Variants in TGIF1 observed in about 807,000 individuals in gnomAD.
TGIF1 encodes homeobox protein TGIF1.
Under a neutral mutation model 19.3 loss-of-function variants are expected in TGIF1, and 4 were observed. That is an observed-to-expected ratio of 0.21 (90% CI 0.10 to 0.47). The LOEUF (loss-of-function observed/expected upper bound fraction) is 0.47. Among genes scored for constraint, TGIF1 ranks in the 20% least tolerant of loss-of-function variants. TGIF1 has a pLI of 0.98. For synonymous variants in TGIF1, 122 were observed against 129.3 expected (o/e 0.94, Z 0.38); for missense variants, 275 against 341.4 (o/e 0.81, Z 1.53).
At chr18:3,423,968 C>T (rs547162362) in intron 2 of TGIF1, among the ~76,000 whole-genome samples, 1 of 152,290 alleles carries the variant, frequency 6.6e-6, no homozygotes, top group South Asian at 2.1e-4. Context: ...CTAAAGAGGG[C>T]AGCCACGATG....
intron 2 of TGIF1, among the ~76,000 whole-genome samples, chr18:3,433,769 T>C (rs916496710): frequency 6.6e-6 from 1 of 152,150 alleles, no homozygotes. Flanking sequence ...AGAATTTAAG[T>C]TTTGCCAGAT....
At chr18:3,412,100 C>T (rs1388446080) in exon 1 of TGIF1, 5 of 155,234 alleles carry the variant, frequency 3.2e-5, no homozygotes, top group African/African-American at 1.2e-4. Context: ...CGGAAGAGCC[C>T]AGCCTTCGCC....
chr18:3,448,374 G>A, upstream of TGIF1: 2 of 1,007,208 alleles, frequency 2.0e-6, no homozygotes, highest in Admixed American at 5.3e-5. Flanking sequence ...CTAACGGGCG[G>A]CGGGGGCGCT....
intron 2 of TGIF1, among the ~76,000 whole-genome samples, chr18:3,434,249 G>T (rs182990152): frequency 4.8e-4 from 73 of 152,176 alleles, no homozygotes; most frequent in Non-Finnish European, 7.1e-4. Flanking sequence ...AATTAGCTGG[G>T]CCTTGGGCCG....
chr18:3,452,199 CTCCTGGGG>C (rs1836914655), intron 1 of TGIF1: 6 of 1,606,198 alleles, frequency 3.7e-6, no homozygotes, highest in Non-Finnish European at 5.1e-6. Context: ...CCCCTCTGCG[CTCCTGGGG>C]TCCTCCTGCG....
chr18:3,453,736 A>AGGGCGGT (rs2143373730), intron 1 of TGIF1: 1 of 700,898 alleles, frequency 1.4e-6, no homozygotes, highest in East Asian at 1.3e-4. Context: ...GTCGCTGCTT[A>AGGGCGGT]GGGCGGTGGG....
chr18:3,442,450 TATA>T (rs2082687527), intron 2 of TGIF1, among the ~76,000 whole-genome samples: 1 of 152,166 alleles, frequency 6.6e-6, no homozygotes, highest in Non-Finnish European at 1.5e-5. Flanking sequence ...TTCTTGCATT[TATA>T]ATATTAGTTC....
chr18:3,443,514 C>T (rs759554094), intron 2 of TGIF1, among the ~76,000 whole-genome samples: 1 of 151,912 alleles, frequency 6.6e-6, no homozygotes, highest in East Asian at 1.9e-4. Context: ...TCTGCAGGCT[C>T]TAACTCTGTG....
At chr18:3,424,831 T>A (rs1179601135) in intron 2 of TGIF1, among the ~76,000 whole-genome samples, 3 of 152,212 alleles carry the variant, frequency 2.0e-5, no homozygotes. Flanking sequence ...GAGGGTGATA[T>A]GCCTGGAGCG....
At chr18:3,427,973 G>T (rs909343644) in intron 2 of TGIF1, among the ~76,000 whole-genome samples, 4 of 152,202 alleles carry the variant, frequency 2.6e-5, no homozygotes, top group African/African-American at 4.8e-5. Flanking sequence ...AAACGTGGTG[G>T]CCACACCCCT....
At chr18:3,428,912 G>A (rs1273547115) in intron 2 of TGIF1, among the ~76,000 whole-genome samples, 1 of 152,082 alleles carries the variant, frequency 6.6e-6, no homozygotes, top group African/African-American at 2.4e-5. Flanking sequence ...AATAAGCCGA[G>A]CATGGCGGCG....
At chr18:3,426,321 A>G (rs8084210) in intron 2 of TGIF1, among the ~76,000 whole-genome samples, 32,917 of 151,606 alleles carry the variant, frequency 0.22, 3,792 homozygotes, top group African/African-American at 0.28. Flanking sequence ...GATGCACATC[A>G]CCACACCTAG....
intron 2 of TGIF1, among the ~76,000 whole-genome samples, chr18:3,440,153 C>A (rs2082664189): frequency 6.6e-6 from 1 of 152,072 alleles, no homozygotes; most frequent in Non-Finnish European, 1.5e-5. Flanking sequence ...AAGTTTGAGA[C>A]CAGGCTGGCC....
At chr18:3,417,807 C>T (rs916251162) in intron 1 of TGIF1, among the ~76,000 whole-genome samples, 6 of 152,092 alleles carry the variant, frequency 3.9e-5, no homozygotes, top group Middle Eastern at 3.4e-3. Context: ...AATAGTAAAA[C>T]GGTTATTCTG....
intron 1 of TGIF1, chr18:3,455,962 TAGAA>T (rs1259470154): frequency 1.5e-5 from 5 of 334,420 alleles, no homozygotes; most frequent in Non-Finnish European, 2.9e-5. Context: ...GCACTGATCT[TAGAA>T]AGAAGGTTGG....
intron 2 of TGIF1, among the ~76,000 whole-genome samples, chr18:3,422,093 C>T (rs2082406070): frequency 1.3e-5 from 2 of 150,706 alleles, no homozygotes; most frequent in African/African-American, 4.9e-5. Flanking sequence ...ACTCAGGAGG[C>T]TGAGGCAGGA....
chr18:3,452,217 G>GC lies in TGIF1; in HGVS notation c.16+1719dup, dbSNP rs11571509. 1.8e-4 allele frequency: 292 copies of GC among 1,605,106 alleles called. 1 individual carries two copies. In the Middle Eastern group the frequency reaches 3.7e-3, roughly 20 times the overall value. ...CTCTGCGCTCCTGGGGTCCTCCTGC[G>GC]CCCCCCCTCCTCCACCGGCGCGCTG... is the stretch of plus-strand genomic sequence containing the variant. On this transcript the variant is annotated intron_variant, in intron 1 of 2. Transcript: ENST00000343820.
rs1038618041 is a variant in TGIF1, at chr18:3,451,631, G to T, written c.16+1126G>T. 7.2e-6 allele frequency: 8 copies of T among 1,108,268 alleles called. No individual in the cohort carries two copies. The highest frequency in any genetic ancestry group is 6.5e-5 in the African/African-American group (4 of 61,552). 68.7% of individuals were successfully genotyped at this position (1,108,268 alleles called of 1,614,324 possible). On this transcript the variant is annotated intron_variant, in intron 1 of 2. Transcript: ENST00000343820. The surrounding 1 kb of genome is among the most constrained non-coding windows in gnomAD (Gnocchi z 5.4). ...CCCGGCCCGCTGCGGGGCGTTCCTG[G>T]GGGGTAGCCTCAAGGCCAGCGGGGT...
chr18:3,456,970 C>A lies in TGIF1; in HGVS notation c.243+390C>A, dbSNP rs2049376751. 1.8e-6 allele frequency: 1 copy of A among 569,508 alleles called. No homozygotes were observed. Among genetic ancestry groups the A allele is most frequent in the South Asian group, 2.3e-5 (1 of 44,394 alleles). 35.3% of individuals were successfully genotyped at this position (569,508 alleles called of 1,614,324 possible). ...AAATCAGTTACTGGGAGGAGTGGCC[C>A]TTTTCATAAGGAGAGGTTTTCCTGT... On this transcript the variant is annotated intron_variant, in intron 2 of 2. Transcript: ENST00000343820. The surrounding 1 kb of genome is among the most constrained non-coding windows in gnomAD (Gnocchi z 4.2).
Sources: gnomAD v4.1 joint callset for allele counts (sites outside exome capture counted in the v4.1 genomes callset) on GRCh38, gnomAD v4.1.1 for gene constraint, Gnocchi (gnomAD v3.1) non-coding constraint, MANE v1.5 for transcripts, NCBI Gene and HGNC (gene_info 2026-07-23, HGNC 2026-07-21) for gene names.